The following HK1 variants were observed in gnomAD, a reference collection of about 807,000 sequenced individuals.
HK1 encodes hexokinase 1, also known as hexokinase-1.
A neutral mutation model predicts 91.6 loss-of-function variants in HK1; 28 were observed. The observed-to-expected ratio is 0.31, with a 90% CI of 0.23 to 0.42. The LOEUF is 0.42. Among genes scored for constraint, HK1 ranks in the 10% least tolerant of loss-of-function variants. The pLI is 1.00. For synonymous variants in HK1, 430 were observed against 468.1 expected, an observed-to-expected ratio of 0.92 and a Z score of 1.05; for missense variants, 770 against 1,219.8, an observed-to-expected ratio of 0.63 and a Z score of 5.49.
In HK1 at chr10:69,384,912, C is replaced by A. The variant is rs143834023; in HGVS notation, c.1836C>A (p.Asp612Glu). Residue 612 changes from aspartate to glutamate, a missense_variant, in exon 12 of 18, where the codon GAC becomes GAA. This residue lies in a region of HK1 where 152 missense variants were observed against 211.1 expected (regional missense o/e 0.72). Transcript: ENST00000359426. ...FSFPCQQTSL[D>E]AGILITWTKG... ...TTCCCTGCCAGCAGACGAGTCTGGA[C>A]GCGGTGAGTCTCTGTTCTTAGGGCT... 1 of 1,614,038 alleles carries A rather than the reference C, an allele frequency of 6.2e-7. No homozygotes were observed. Among genetic ancestry groups the A allele is most frequent in the Non-Finnish European group, 8.5e-7 (1 of 1,180,024 alleles).
upstream of HK1, chr10:69,317,969 C>T: frequency 2.3e-6 from 2 of 860,940 alleles, no homozygotes; most frequent in Admixed American, 6.2e-5. Flanking sequence ...AAACACGGCA[C>T]CTGGGAAGGG....
At chr10:69,373,201 A>G (rs181768560) in intron 7 of HK1, among the ~76,000 whole-genome samples, 1 of 152,248 alleles carries the variant, frequency 6.6e-6, no homozygotes, top group Admixed American at 6.5e-5. Context: ...AGTGTGTTAG[A>G]TTTGTGCAAA....
intron 1 of HK1, among the ~76,000 whole-genome samples, chr10:69,321,813 G>T (rs1016616403): frequency 6.6e-6 from 1 of 152,134 alleles, no homozygotes; most frequent in African/African-American, 2.4e-5. Flanking sequence ...TATCCAGACG[G>T]CATCTGCATA....
At chr10:69,359,104 G>A (rs1456397513) in intron 2 of HK1, among the ~76,000 whole-genome samples, 4 of 151,922 alleles carry the variant, frequency 2.6e-5, no homozygotes, top group South Asian at 2.1e-4. Context: ...CCTTGAAAAC[G>A]TTATGCTAAG....
At chr10:69,331,808 C>T (rs1847734659) in intron 1 of HK1, among the ~76,000 whole-genome samples, 1 of 151,756 alleles carries the variant, frequency 6.6e-6, no homozygotes, top group African/African-American at 2.4e-5. Flanking sequence ...CCCAGGAGGT[C>T]AAGGCTGCAG....
rs538184328 is a variant in HK1, at chr10:69,340,541, C to T, written c.64-3286C>T. The stretch of plus-strand genomic sequence containing the variant: ...CTGGGGTTACAGGCATGAGCCATTG[C>T]TCCCGGCCTTAAAATTAAAATTAAA... On this transcript the variant is annotated intron_variant, in intron 1 of 17. Coordinates refer to ENST00000359426, the MANE Select transcript of HK1 (RefSeq NM_000188.3). Among the ~76,000 whole-genome samples, 16 of 152,250 alleles carry T rather than the reference C, an allele frequency of 1.1e-4. 1 individual carries two copies. The East Asian group carries it at 2.3e-3, about 22-fold the overall frequency.
At position 69,369,499 on chromosome 10, in the gene HK1, A is replaced by C; in HGVS notation, c.750A>C (p.Gly250=). The part of the protein sequence containing the change: ...EELRHIDLVE[G]DEGRMCINTE... Reference sequence around the variant, plus strand: ...TGAGGCACATTGATCTGGTGGAAGGAGACGAGGGGAGGATGTGTATCAATA... The same window carrying C: ...TGAGGCACATTGATCTGGTGGAAGGCGACGAGGGGAGGATGTGTATCAATA... Residue 250 remains glycine, a synonymous_variant, in exon 7 of 18, where the codon GGA becomes GGC. Transcript: ENST00000359426. This position sits in a 1 kb window ranked among gnomAD's most constrained non-coding sequence, Gnocchi z 4.4. 6.2e-7 allele frequency: 1 copy of C among 1,614,198 alleles called. No individual in the cohort carries two copies. The highest frequency in any genetic ancestry group is 1.6e-4 in the Middle Eastern group (1 of 6,062).
At chr10:69,321,601 C>T (rs551685944) in intron 1 of HK1, among the ~76,000 whole-genome samples, 22 of 152,180 alleles carry the variant, frequency 1.4e-4, no homozygotes, top group Non-Finnish European at 1.2e-4. Context: ...ATCTTCTTGC[C>T]CTCAGAGCCA....
chr10:69,318,885 T>C lies in HK1; in HGVS notation c.-63T>C. On this transcript the variant is annotated 5_prime_UTR_variant, in exon 1 of 18. Coordinates refer to ENST00000359426, the MANE Select transcript of HK1 (RefSeq NM_000188.3). ...CGAGCAGCCGCCGGAGGACCACGGC[T>C]CGCCAGGGCTGCGGAGGACCGACCG... The C allele has an allele frequency of 6.6e-7, 1 of 1,522,776 alleles. No individual in the cohort carries two copies. The highest frequency in any genetic ancestry group is 8.8e-7 in the Non-Finnish European group (1 of 1,135,280). The allele number at this position is 1,522,776 out of a possible 1,614,324, so 94.3% of individuals were successfully genotyped here.
At chr10:69,358,159 C>A (rs911429215) in intron 2 of HK1, among the ~76,000 whole-genome samples, 1 of 152,176 alleles carries the variant, frequency 6.6e-6, no homozygotes, top group South Asian at 2.1e-4. Flanking sequence ...TCACCCCTGG[C>A]GTGGTAGATA....
intron 1 of HK1, among the ~76,000 whole-genome samples, chr10:69,337,320 T>C (rs1848042144): frequency 6.6e-6 from 1 of 152,172 alleles, no homozygotes; most frequent in African/African-American, 2.4e-5. Context: ...GCTTGAATCA[T>C]GGGTCTGTTT....
intron 16 of HK1, among the ~76,000 whole-genome samples, chr10:69,398,041 T>C (rs918543978): frequency 3.9e-5 from 6 of 152,268 alleles, no homozygotes; most frequent in African/African-American, 1.4e-4. Flanking sequence ...CAAAAGCTCG[T>C]TGACCCAGAA....
chr10:69,343,555 G>T (rs995503411), intron 1 of HK1, among the ~76,000 whole-genome samples: 1 of 152,196 alleles, frequency 6.6e-6, no homozygotes, highest in Admixed American at 6.5e-5. Flanking sequence ...AGTACTTGGG[G>T]GTTGAAGAGC....
At chr10:69,337,313 T>A (rs188736481) in intron 1 of HK1, among the ~76,000 whole-genome samples, 1 of 152,342 alleles carries the variant, frequency 6.6e-6, no homozygotes, top group East Asian at 1.9e-4. Flanking sequence ...CAACTTAGCT[T>A]GAATCATGGG....
At chr10:69,396,847 G>A (rs761499150) in intron 16 of HK1, among the ~76,000 whole-genome samples, 8 of 151,820 alleles carry the variant, frequency 5.3e-5, no homozygotes, top group Admixed American at 1.3e-4. Context: ...ATGCACGCCC[G>A]GCTAATTTTG....
At chr10:69,283,177 T>C (rs1329081670) in intron 2 of HK1, among the ~76,000 whole-genome samples, 1 of 140,732 alleles carries the variant, frequency 7.1e-6, no homozygotes, top group African/African-American at 2.6e-5. Context: ...CAGGGTGCGG[T>C]GGCTCACACA....
In HK1 at chr10:69,297,528, G is replaced by A. The variant is rs969342563; in HGVS notation, c.-67+1848G>A. Among the ~76,000 whole-genome samples the A allele has an allele frequency of 3.3e-5, 5 of 152,324 alleles. No homozygotes were observed. In the East Asian group the frequency reaches 5.8e-4, roughly 18 times the overall value. On this transcript the variant is annotated intron_variant, in intron 4 of 21. Coordinates refer to the HK1 transcript ENST00000360289. ...GTACCCAGGACTCTCACAATGAGGAGGGGTTGATAGTGGCCCCCTCCTTTA... is the reference window on the plus strand; with the variant it reads ...GTACCCAGGACTCTCACAATGAGGAAGGGTTGATAGTGGCCCCCTCCTTTA...
intron 1 of HK1, among the ~76,000 whole-genome samples, chr10:69,323,746 G>A (rs1197011332): frequency 6.6e-6 from 1 of 152,186 alleles, no homozygotes. Context: ...CTGGCAGGCA[G>A]GGTGTCTGTG....
intron 4 of HK1, among the ~76,000 whole-genome samples, chr10:69,366,561 C>G (rs1849711916): frequency 2.6e-5 from 4 of 152,134 alleles, no homozygotes; most frequent in Admixed American, 2.6e-4. Context: ...CAGGCCCCAC[C>G]TCCCATCCAG....
Sources: allele counts gnomAD v4.1 joint callset (sites outside exome capture counted in the v4.1 genomes callset), GRCh38; gene constraint gnomAD v4.1.1; regional missense constraint gnomAD v4.1.1; non-coding constraint Gnocchi (gnomAD v3.1); transcripts MANE v1.5; gene names NCBI Gene and HGNC (gene_info 2026-07-23, HGNC 2026-07-21).